The following PTPRD variants were observed in gnomAD, a reference collection of about 807,000 sequenced individuals.
PTPRD encodes protein tyrosine phosphatase receptor type D, also known as receptor-type tyrosine-protein phosphatase delta.
Under a neutral mutation model 214.5 loss-of-function variants are expected in PTPRD, and 34 were observed. That is an observed-to-expected ratio of 0.16 (90% CI 0.12 to 0.21). PTPRD has a LOEUF of 0.21. Among genes scored for constraint, PTPRD ranks in the 10% least tolerant of loss-of-function variants. The pLI is 1.00. For synonymous variants in PTPRD, 1,128 were observed against 845.7 expected (o/e 1.33, Z -5.79); for missense variants, 2,545 against 2,398.7 (o/e 1.06, Z -1.27).
At chr9:10,000,273 T>C (rs576435729) in intron 4 of PTPRD, among the ~76,000 whole-genome samples, 1 of 152,238 alleles carries the variant, frequency 6.6e-6, no homozygotes, top group Non-Finnish European at 1.5e-5. Flanking sequence ...CAAATTACAC[T>C]GTTAGTTATA....
chr9:10,376,889 CTT>C (rs1190266655), intron 2 of PTPRD, among the ~76,000 whole-genome samples: 2 of 151,870 alleles, frequency 1.3e-5, no homozygotes, highest in African/African-American at 4.8e-5. Context: ...AGCATTTATC[CTT>C]TGTGTTATAA....
chr9:8,344,343 G>C (rs1855470869), intron 39 of PTPRD, among the ~76,000 whole-genome samples: 1 of 151,944 alleles, frequency 6.6e-6, no homozygotes, highest in Admixed American at 6.6e-5. Flanking sequence ...CCATTCAAAT[G>C]TCTGGATGAT....
intron 11 of PTPRD, among the ~76,000 whole-genome samples, chr9:8,772,360 T>C (rs1180642121): frequency 6.8e-6 from 1 of 147,492 alleles, no homozygotes; most frequent in Non-Finnish European, 1.5e-5. Flanking sequence ...ATGTCACTAC[T>C]TACTTTTTAA....
At chr9:10,244,852 A>G (rs917871809) in intron 3 of PTPRD, among the ~76,000 whole-genome samples, 4 of 152,074 alleles carry the variant, frequency 2.6e-5, no homozygotes, top group South Asian at 4.1e-4. Flanking sequence ...AGCTGCTTCT[A>G]TATTGACTTT....
At chr9:9,575,755 G>GAAAA (rs2088428129) in intron 7 of PTPRD, among the ~76,000 whole-genome samples, 1 of 78,322 alleles carries the variant, frequency 1.3e-5, no homozygotes, top group African/African-American at 4.8e-5. Context: ...AAGAAAGAAA[G>GAAAA]AAAAAGAAAA....
chr9:8,549,556 G>A (rs926699777), intron 14 of PTPRD, among the ~76,000 whole-genome samples: 1 of 152,088 alleles, frequency 6.6e-6, no homozygotes. Context: ...AACTAAAAGG[G>A]ATAAGAACAA....
At chr9:10,224,522 C>G (rs16925548) in intron 3 of PTPRD, among the ~76,000 whole-genome samples, 19,632 of 151,982 alleles carry the variant, frequency 0.13, 1,339 homozygotes, top group Middle Eastern at 0.14. Flanking sequence ...TATGATTTTT[C>G]TCTACTTAAA....
At chr9:10,194,662 A>T (rs1048610524) in intron 3 of PTPRD, among the ~76,000 whole-genome samples, 1 of 87,384 alleles carries the variant, frequency 1.1e-5, no homozygotes, top group Non-Finnish European at 2.7e-5. Context: ...CTAAATCTAA[A>T]AATACTTCCC....
chr9:9,880,552 A>G (rs1411380462), intron 5 of PTPRD, among the ~76,000 whole-genome samples: 3 of 152,164 alleles, frequency 2.0e-5, no homozygotes, highest in Non-Finnish European at 4.4e-5. Context: ...TTATTTTTGT[A>G]TCAGGTATGA....
chr9:10,069,615 C>T (rs1450539912), intron 3 of PTPRD, among the ~76,000 whole-genome samples: 4 of 152,026 alleles, frequency 2.6e-5, no homozygotes, highest in Non-Finnish European at 4.4e-5. Context: ...GTTAGCTTAA[C>T]ACTCAACATA....
chr9:9,043,642 A>T lies in PTPRD; in HGVS notation c.-142-24907T>A, dbSNP rs147229849. On this transcript the variant is annotated intron_variant, in intron 10 of 45. Transcript: ENST00000381196. Reference sequence around the variant, plus strand: ...AACTAGGCTGGGCACAGTGGCTCACACCTGTAATCCCAGCACTTTGTGAGG... The same window carrying T: ...AACTAGGCTGGGCACAGTGGCTCACTCCTGTAATCCCAGCACTTTGTGAGG... Among the ~76,000 whole-genome samples, 460 of 152,214 alleles carry T rather than the reference A, an allele frequency of 3.0e-3. 2 individuals are homozygous for T. Among genetic ancestry groups the T allele is most frequent in the African/African-American group, 0.011 (452 of 41,544 alleles).
intron 2 of PTPRD, among the ~76,000 whole-genome samples, chr9:10,444,447 C>G (rs1413168605): frequency 6.6e-6 from 1 of 151,690 alleles, no homozygotes; most frequent in Non-Finnish European, 1.5e-5. Flanking sequence ...TCTTCCAATT[C>G]CATATTAATG....
chr9:9,426,361 T>G (rs2382008), intron 8 of PTPRD, among the ~76,000 whole-genome samples: 130,870 of 152,184 alleles, frequency 0.86, 56,365 homozygotes, highest in Middle Eastern at 0.91. Flanking sequence ...GGCTTGGGGA[T>G]GGGCGCCCAC....
chr9:8,461,251 A>G (rs2096392191), intron 32 of PTPRD, among the ~76,000 whole-genome samples: 1 of 152,044 alleles, frequency 6.6e-6, no homozygotes, highest in African/African-American at 2.4e-5. Flanking sequence ...TAAAATATAG[A>G]ATTTTTAGAA....
intron 3 of PTPRD, among the ~76,000 whole-genome samples, chr9:10,078,080 C>CTGAGAAATATT (rs1233952550): frequency 4.6e-5 from 7 of 150,826 alleles, no homozygotes; most frequent in African/African-American, 1.7e-4. Context: ...ATTCCAAGGA[C>CTGAGAAATATT]CCTGAGAAAT....
At chr9:8,534,573 A>G (rs2076469473) in intron 14 of PTPRD, among the ~76,000 whole-genome samples, 1 of 151,744 alleles carries the variant, frequency 6.6e-6, no homozygotes, top group South Asian at 2.1e-4. Flanking sequence ...TAAGAAAACA[A>G]GAAAAATGAT....
chr9:10,541,326 C>T (rs1056582090), intron 2 of PTPRD, among the ~76,000 whole-genome samples: 1 of 152,078 alleles, frequency 6.6e-6, no homozygotes, highest in Non-Finnish European at 1.5e-5. Flanking sequence ...AAAAACATAT[C>T]CAATTGACGG....
At position 8,316,641 on chromosome 9, in the gene PTPRD, G is replaced by C. The variant is rs2130289040; in HGVS notation, c.*1233C>G. The C allele has an allele frequency of 4.3e-6, 1 of 230,676 alleles. No individual in the cohort carries two copies. Among genetic ancestry groups the C allele is most frequent in the South Asian group, 1.8e-4 (1 of 5,496 alleles). 14.3% of individuals were successfully genotyped at this position (230,676 alleles called of 1,614,324 possible). A position where few individuals can be genotyped will look rare whatever the true frequency, so the allele number is the denominator to read the frequency against. On this transcript the variant is annotated 3_prime_UTR_variant, in exon 46 of 46. Transcript: ENST00000381196. ...TTTAATAATAATTTTTATTGCACTA[G>C]AGTGTTAGAAATATTGAACTTTGTT...
intron 8 of PTPRD, among the ~76,000 whole-genome samples, chr9:9,568,964 T>C (rs2085467096): frequency 6.6e-6 from 1 of 151,716 alleles, no homozygotes; most frequent in South Asian, 2.1e-4. Context: ...AAATAATGGG[T>C]ATCTACAATA....
Sources: gnomAD v4.1 joint callset for allele counts (sites outside exome capture counted in the v4.1 genomes callset) on GRCh38, gnomAD v4.1.1 for gene constraint, MANE v1.5 for transcripts, NCBI Gene and HGNC (gene_info 2026-07-23, HGNC 2026-07-21) for gene names.